ZNF45: variants seen among roughly 807,000 people sequenced by gnomAD.
ZNF45 encodes the protein BRC1744.
Under a neutral mutation model 12.0 loss-of-function variants are expected in ZNF45, and 4 were observed. The observed-to-expected ratio is 0.33, with a 90% CI of 0.16 to 0.76. ZNF45 has a LOEUF of 0.76. Among genes scored for constraint, ZNF45 ranks in the 30% least tolerant of loss-of-function variants. The pLI, the probability that ZNF45 is intolerant of heterozygous loss-of-function variation, is 0.60. For synonymous variants in ZNF45, 272 were observed against 279.6 expected (o/e 0.97, Z 0.27); for missense variants, 700 against 813.0 (o/e 0.86, Z 1.69).
rs749875456 is a variant in ZNF45 at position 43,913,789 on chromosome 19, G to A, written c.1647C>T (p.Cys549=). ...VGSQLQAHQR[C]HTGEKPYQCE... ...ATTGATAGGGTTTCTCTCCAGTGTG[G>A]CACCTCTGATGGGCTTGAAGCTGTG... The change falls in exon 10 of 10, where the codon TGC becomes TGT. Residue 549 remains cysteine, a synonymous_variant. Coordinates refer to ENST00000269973, the MANE Select transcript of ZNF45 (RefSeq NM_003425.4). The A allele has an allele frequency of 1.9e-6, 3 of 1,613,688 alleles. No homozygotes were observed. In the South Asian group the frequency reaches 3.3e-5, roughly 18 times the overall value.
chr19:43,914,972 T>C lies in ZNF45; in HGVS notation c.464A>G (p.His155Arg), dbSNP rs1359947579. 6.2e-7 allele frequency: 1 copy of C among 1,605,780 alleles called. No individual in the cohort carries two copies. The highest frequency in any genetic ancestry group is 1.7e-5 in the Admixed American group (1 of 59,426). The part of the protein sequence containing the change: ...FSNQSSHLQV[H>R]RVHTGEKPYK... The stretch of plus-strand genomic sequence containing the variant: ...GGGTTTTTCACCAGTGTGGACTCTG[T>C]GAACTTGAAGATGGGAACTCTGATT... Residue 155 changes from histidine to arginine, a missense_variant, in exon 10 of 10, where the codon CAC becomes CGC. By Grantham distance (29) the His-to-Arg change is conservative (BLOSUM62 0). Coordinates refer to ENST00000269973, the MANE Select transcript of ZNF45 (RefSeq NM_003425.4).
Position 43,913,321 on chromosome 19 carries a change from G to A in ZNF45, c.*66C>T, listed in dbSNP as rs894720153. ...GAACTACTGACTCTATAAAACAAATGTTTTGTCTATGATAGCTCTGATTAT... is the reference window on the plus strand; with the variant it reads ...GAACTACTGACTCTATAAAACAAATATTTTGTCTATGATAGCTCTGATTAT... On this transcript the variant is annotated 3_prime_UTR_variant, in exon 10 of 10. Transcript: ENST00000269973. 18 of 1,503,570 alleles carry A rather than the reference G, an allele frequency of 1.2e-5. No homozygotes were observed. The highest frequency in any genetic ancestry group is 1.5e-5 in the Non-Finnish European group (17 of 1,126,268). 93.1% of individuals were successfully genotyped at this position (1,503,570 alleles called of 1,614,324 possible).
At chr19:43,915,231 G>T in intron 9 of ZNF45, 31 bp from the exon 10 acceptor site, 1 of 1,466,404 alleles carries the variant, frequency 6.8e-7, no homozygotes, top group South Asian at 1.6e-5. Flanking sequence ...TGGAGATGGG[G>T]CATGTGAATA....
intron 3 of ZNF45, among the ~76,000 whole-genome samples, chr19:43,925,714 C>T (rs150255714): frequency 1.2e-3 from 187 of 152,248 alleles, no homozygotes; most frequent in African/African-American, 4.2e-3. Context: ...CTCAGCCTTC[C>T]GGGTTCAAAA....
Position 43,914,798 on chromosome 19 carries a change from ACT to A in ZNF45, c.636_637del (p.Arg212SerfsTer4). The stretch of plus-strand genomic sequence containing the variant: ...TGTGTATGATTTTGCTCTACTGTGG[ACT>A]CTCTGATGGGCTTGAAGACTTGAAA... On this transcript the variant is annotated frameshift_variant, in exon 10 of 10. Transcript: ENST00000269973. LOFTEE classifies it low-confidence loss of function (END_TRUNC). 1.2e-6 allele frequency: 2 copies of A among 1,613,758 alleles called. No homozygotes were observed. Among genetic ancestry groups the A allele is most frequent in the Non-Finnish European group, 1.7e-6 (2 of 1,179,900 alleles).
At chr19:43,930,887 A>T (rs780392503) in intron 3 of ZNF45, among the ~76,000 whole-genome samples, 2 of 152,046 alleles carry the variant, frequency 1.3e-5, no homozygotes, top group Admixed American at 6.6e-5. Context: ...ACTTGTAATC[A>T]GTATAAGAAT....
intron 7 of ZNF45, 79 bp downstream of exon 7, chr19:43,922,092 C>A: frequency 6.8e-7 from 1 of 1,468,268 alleles, no homozygotes; most frequent in South Asian, 1.3e-5. Context: ...CTTCATCTTC[C>A]TAACAAAGAG....
rs998585877 is a variant in ZNF45, at chr19:43,934,758, T to A, written c.-755-64A>T. The A allele has an allele frequency of 3.9e-5, 6 of 152,244 alleles. No homozygotes were observed. The East Asian group carries it at 1.2e-3, about 29-fold the overall frequency. The allele number at this position is 152,244 out of a possible 1,614,324, so 9.4% of individuals were successfully genotyped here. On this transcript the variant is annotated intron_variant, in intron 1 of 9. Coordinates refer to ENST00000269973, the MANE Select transcript of ZNF45 (RefSeq NM_003425.4). ...AAATGAATATTTTTTATTATGATAG[T>A]TTTAATATTAACGGCCGACATGTTG...
chr19:43,924,222 G>A lies in ZNF45; in HGVS notation c.-33+16C>T, dbSNP rs750226447. On this transcript the variant is annotated intron_variant, in intron 6 of 9. Coordinates refer to ENST00000269973, the MANE Select transcript of ZNF45 (RefSeq NM_003425.4). Reference sequence around the variant, plus strand: ...AACTTGGCACATGATGTTTCATTAAGGTACTTCACACATACCTGTGAAGAA... The same window carrying A: ...AACTTGGCACATGATGTTTCATTAAAGTACTTCACACATACCTGTGAAGAA... The A allele has an allele frequency of 1.3e-5, 2 of 152,136 alleles. No homozygotes were observed. The highest frequency in any genetic ancestry group is 2.9e-5 in the Non-Finnish European group (2 of 68,032). The allele number at this position is 152,136 out of a possible 1,614,324, so 9.4% of individuals were successfully genotyped here.
intron 3 of ZNF45, among the ~76,000 whole-genome samples, chr19:43,928,340 G>A (rs969957991): frequency 1.3e-5 from 2 of 152,114 alleles, no homozygotes; most frequent in African/African-American, 2.4e-5. Context: ...ACACAGAGGG[G>A]AACAACAGAC....
intron 6 of ZNF45, among the ~76,000 whole-genome samples, chr19:43,923,075 C>T (rs927321533): frequency 2.6e-5 from 4 of 152,140 alleles, no homozygotes; most frequent in Admixed American, 6.5e-5. Flanking sequence ...ATCCTCCTGC[C>T]TCAGCCTCCC....
intron 9 of ZNF45, 141 bp from the exon 10 acceptor site, chr19:43,915,341 A>C (rs1233349565): frequency 3.0e-5 from 24 of 807,498 alleles, no homozygotes; most frequent in Non-Finnish European, 3.8e-5. Flanking sequence ...TAGACATCTG[A>C]ACAAAGTGGC....
In ZNF45 at chr19:43,915,022, C is replaced by T. The variant is rs143625098; in HGVS notation, c.414G>A (p.Leu138=). The change falls in exon 10 of 10, where the codon TTG becomes TTA. Residue 138 remains leucine, a synonymous_variant. Transcript: ENST00000269973. ...TGCQLEKRDD[L]HYKDEGFSNQ... ...TACTGAATCCCTCATCTTTATAGTG[C>T]AAATCATCTCGTTTTTCCAACTGGC... is the stretch of plus-strand genomic sequence containing the variant. 4,121 of 1,610,764 alleles carry T rather than the reference C, an allele frequency of 2.6e-3. 54 individuals are homozygous for T. Among genetic ancestry groups the T allele is most frequent in the South Asian group, 0.021 (1,946 of 90,656 alleles).
Position 43,914,261 on chromosome 19 carries a change from T to G in ZNF45, c.1175A>C (p.Glu392Ala). ...HTGEKPYKCE[E>A]CGKGFCRASN... Reference sequence around the variant, plus strand: ...GGCCCGGCAGAAGCCTTTCCCACACTCCTCACATTTGTATGGCTTCTCTCC... The same window carrying G: ...GGCCCGGCAGAAGCCTTTCCCACACGCCTCACATTTGTATGGCTTCTCTCC... The change falls in exon 10 of 10, where the codon GAG (glutamate) becomes GCG (alanine). Residue 392 changes from glutamate (E) to alanine (A), a missense_variant. Coordinates refer to ENST00000269973, the MANE Select transcript of ZNF45 (RefSeq NM_003425.4). 1 of 1,613,134 alleles carries G rather than the reference T, an allele frequency of 6.2e-7. No homozygotes were observed. The highest frequency in any genetic ancestry group is 8.5e-7 in the Non-Finnish European group (1 of 1,179,520).
chr19:43,923,029 T>C (rs1371868837), intron 6 of ZNF45, among the ~76,000 whole-genome samples: 1 of 151,984 alleles, frequency 6.6e-6, no homozygotes. Context: ...TCATGCTATG[T>C]TGCCCGAGCC....
rs144024139 is a variant in ZNF45 at position 43,932,205 on chromosome 19, G to A, written c.-400+399C>T. Among the ~76,000 whole-genome samples, 28 of 152,236 alleles carry A rather than the reference G, an allele frequency of 1.8e-4. No homozygotes were observed. In the East Asian group the frequency reaches 5.4e-3, roughly 29 times the overall value. On this transcript the variant is annotated intron_variant, in intron 3 of 9. Transcript: ENST00000269973. Reference sequence around the variant, plus strand: ...ACAAAAATTAGCTGGGCATGGTGGTGCACGCCTGTAATCCCAGCTACTGGG... The same window carrying A: ...ACAAAAATTAGCTGGGCATGGTGGTACACGCCTGTAATCCCAGCTACTGGG...
chr19:43,933,780 A>T (rs916719648), intron 2 of ZNF45, among the ~76,000 whole-genome samples: 1 of 152,252 alleles, frequency 6.6e-6, no homozygotes, highest in Non-Finnish European at 1.5e-5. Flanking sequence ...ATATCCTAGT[A>T]TTAAGGAAAT....
chr19:43,931,029 A>G (rs949250145), intron 3 of ZNF45, among the ~76,000 whole-genome samples: 8 of 152,026 alleles, frequency 5.3e-5, no homozygotes, highest in African/African-American at 9.7e-5. Flanking sequence ...TAATGGCTAC[A>G]CTATTGGATA....
chr19:43,920,726 G>A (rs919380796), intron 7 of ZNF45, among the ~76,000 whole-genome samples: 3 of 147,662 alleles, frequency 2.0e-5, no homozygotes, highest in Admixed American at 7.0e-5. Flanking sequence ...TCAGCCTCCC[G>A]AGAAGCTGGG....
Sources: allele counts gnomAD v4.1 joint callset (sites outside exome capture counted in the v4.1 genomes callset), GRCh38; gene constraint gnomAD v4.1.1; transcripts MANE v1.5; gene names NCBI Gene and HGNC (gene_info 2026-07-23, HGNC 2026-07-21).